NRXN2: variants seen among roughly 807,000 people sequenced by gnomAD.
NRXN2 encodes the protein neurexin 2.
NRXN2 carries 29 observed loss-of-function variants against 128.8 expected under a neutral mutation model. The ratio of observed to expected loss-of-function variants is 0.23; its 90% CI spans 0.17 to 0.31. The LOEUF (loss-of-function observed/expected upper bound fraction) is 0.31, where lower values mean the gene tolerates loss of function less well. NRXN2 is among the 10% of genes least tolerant of loss of function. The pLI, the probability that NRXN2 is intolerant of heterozygous loss-of-function variation, is 1.00. For synonymous variants in NRXN2, 1,098 were observed against 1,075.2 expected (o/e 1.02, Z -0.41); for missense variants, 1,881 against 2,452.6 (o/e 0.77, Z 4.92).
chr11:64,702,824 A>T (rs2055680257), intron 2 of NRXN2, among the ~76,000 whole-genome samples: 1 of 151,312 alleles, frequency 6.6e-6, no homozygotes, highest in African/African-American at 2.4e-5. Context: ...AAAAAAAAAA[A>T]AAGAAAAATA....
chr11:64,642,526 C>T (rs1384489668), intron 17 of NRXN2: 1 of 1,605,986 alleles, frequency 6.2e-7, no homozygotes, highest in Non-Finnish European at 8.5e-7. Context: ...CCGGCATCTA[C>T]AGTGCCACTT....
In NRXN2 at chr11:64,685,954, G is replaced by A. The variant is rs376852689; in HGVS notation, c.851-7C>T. On this transcript the variant is annotated splice_region_variant and splice_polypyrimidine_tract_variant and intron_variant, in intron 5 of 22. Coordinates refer to ENST00000265459, the MANE Select transcript of NRXN2 (RefSeq NM_015080.4). ...GCCACAAACTCCTCCTTGCCTGGAT[G>A]CCGTGGTGTGGGGAAACGGGAGAAG... 106 of 1,614,052 alleles carry A rather than the reference G, an allele frequency of 6.6e-5. No individual in the cohort carries two copies. Among genetic ancestry groups the A allele is most frequent in the Non-Finnish European group, 8.7e-5 (103 of 1,180,028 alleles).
At chr11:64,666,239 T>A (rs1385487159) in intron 9 of NRXN2, among the ~76,000 whole-genome samples, 1 of 151,060 alleles carries the variant, frequency 6.6e-6, no homozygotes, top group African/African-American at 2.4e-5. Flanking sequence ...TCTTCCTCTG[T>A]CGCCCAGGCT....
chr11:64,625,538 A>G (rs1277939232), intron 20 of NRXN2, among the ~76,000 whole-genome samples: 1 of 152,140 alleles, frequency 6.6e-6, no homozygotes, highest in Admixed American at 6.5e-5. Flanking sequence ...TGGGGGTTTT[A>G]GTTGGGGAAG....
intron 17 of NRXN2, among the ~76,000 whole-genome samples, chr11:64,636,972 C>CATCT (rs1182291779): frequency 6.6e-6 from 1 of 152,076 alleles, no homozygotes; most frequent in Non-Finnish European, 1.5e-5. Context: ...GGGGAGCCAC[C>CATCT]ATCTGCAGGC....
Position 64,607,049 on chromosome 11 carries a change from CTT to C in NRXN2, c.*145_*146del. 1.1e-6 allele frequency: 1 copy of C among 876,230 alleles called. No homozygotes were observed. The highest frequency in any genetic ancestry group is 1.7e-6 in the Non-Finnish European group (1 of 587,952). The allele number at this position is 876,230 out of a possible 1,614,324, so 54.3% of individuals were successfully genotyped here. A position where few individuals can be genotyped will look rare whatever the true frequency, so the allele number is the denominator to read the frequency against. On this transcript the variant is annotated 3_prime_UTR_variant, in exon 23 of 23. Transcript: ENST00000265459. ...GAAGGGGGCGAGCACGGGGTTTTTCCTTTTCTTTTTTTGCGTTTCCTCTTCGT... is the reference window on the plus strand; with the variant it reads ...GAAGGGGGCGAGCACGGGGTTTTTCCTTCTTTTTTTGCGTTTCCTCTTCGT...
Position 64,667,793 on chromosome 11 carries a change from T to G in NRXN2, c.1360-105A>C. ...CAGGGGACCCAGCCACCCACCCCTG[T>G]AGCCCCTGCTCAGTTCCACCAGACC... On this transcript the variant is annotated intron_variant, in intron 8 of 22. Transcript: ENST00000265459. This position sits in a 1 kb window ranked among gnomAD's most constrained non-coding sequence, Gnocchi z 5.6. 1 of 1,036,576 alleles carries G rather than the reference T, an allele frequency of 9.6e-7. No homozygotes were observed. Among genetic ancestry groups the G allele is most frequent in the Non-Finnish European group, 1.5e-6 (1 of 681,944 alleles). 64.2% of individuals were successfully genotyped at this position (1,036,576 alleles called of 1,614,324 possible). A position where few individuals can be genotyped will look rare whatever the true frequency, so the allele number is the denominator to read the frequency against.
chr11:64,700,997 A>G (rs2055267153), intron 2 of NRXN2, among the ~76,000 whole-genome samples: 1 of 152,100 alleles, frequency 6.6e-6, no homozygotes, highest in Non-Finnish European at 1.5e-5. Flanking sequence ...AACCCTAAAA[A>G]CAAAACTAAA....
intron 22 of NRXN2, among the ~76,000 whole-genome samples, chr11:64,609,679 G>A (rs148999347): frequency 6.6e-6 from 1 of 152,228 alleles, no homozygotes; most frequent in African/African-American, 2.4e-5. Context: ...CTGGTTTGGG[G>A]TAGAAGGGAG....
At chr11:64,700,956 A>G (rs978233902) in intron 2 of NRXN2, among the ~76,000 whole-genome samples, 1 of 152,178 alleles carries the variant, frequency 6.6e-6, no homozygotes, top group Non-Finnish European at 1.5e-5. Context: ...TGTCAGGCCA[A>G]TCACCGGGTC....
intron 4 of NRXN2, among the ~76,000 whole-genome samples, chr11:64,691,041 T>C (rs888190904): frequency 1.3e-5 from 2 of 152,326 alleles, no homozygotes; most frequent in South Asian, 2.1e-4. Flanking sequence ...AGGCTCTCAC[T>C]ACACCTTGAG....
chr11:64,717,705 G>A (rs2057337691), intron 1 of NRXN2, among the ~76,000 whole-genome samples: 1 of 152,230 alleles, frequency 6.6e-6, no homozygotes, highest in African/African-American at 2.4e-5. Context: ...TCAGACACCA[G>A]GCTGGACCCC....
In NRXN2 at chr11:64,607,384, G is replaced by A. The variant is rs780954468; in HGVS notation, c.4951C>T (p.Leu1651Phe). 6.2e-7 allele frequency: 1 copy of A among 1,613,318 alleles called. No homozygotes were observed. The highest frequency in any genetic ancestry group is 2.2e-5 in the East Asian group (1 of 44,862). Residue 1651 changes from leucine (L) to phenylalanine (F), a missense_variant, in exon 23 of 23, where the codon CTC becomes TTC. By Grantham distance (22) the Leu-to-Phe change is conservative. This residue lies in a region of NRXN2 where 11 missense variants were observed against 31.3 expected (regional missense o/e 0.35). Transcript: ENST00000265459. ...GIVAAAALCI[L>F]ILLYAMYKYR... ...TTATACATGGCGTAGAGGAGGATGA[G>A]GATGCAGAGCGCCGCCGCCGCCACA... is the stretch of plus-strand genomic sequence containing the variant.
intron 22 of NRXN2, 95 bp downstream of exon 22, chr11:64,620,199 G>T (rs1225743415): frequency 1.1e-5 from 10 of 946,458 alleles, no homozygotes; most frequent in Non-Finnish European, 1.7e-5. Flanking sequence ...CTGGCAGCAG[G>T]CCCTGGGGCT....
In NRXN2 at chr11:64,714,119, G is replaced by A. The variant is rs190895976; in HGVS notation, c.-244-176C>T. On this transcript the variant is annotated intron_variant, in intron 1 of 22. Coordinates refer to ENST00000265459, the MANE Select transcript of NRXN2 (RefSeq NM_015080.4). The surrounding 1 kb of genome is among the most constrained non-coding windows in gnomAD (Gnocchi z 4.5). ...CGAGGCAAGAGACGCGGATTCCGGG[G>A]GCCAGCACTTAGGAGAGATGGCACG... is the stretch of plus-strand genomic sequence containing the variant. Among the ~76,000 whole-genome samples the A allele has an allele frequency of 2.6e-5, 4 of 152,310 alleles. No individual in the cohort carries two copies. The East Asian group carries it at 7.7e-4, about 29-fold the overall frequency.
intron 9 of NRXN2, chr11:64,661,362 C>T (rs978516896): frequency 2.8e-6 from 4 of 1,439,746 alleles, no homozygotes; most frequent in Non-Finnish European, 3.6e-6. Context: ...GACGCAGCCC[C>T]AGCCCAGCTG....
chr11:64,620,980 T>A lies in NRXN2; in HGVS notation c.4174-608A>T, dbSNP rs570181227. Among the ~76,000 whole-genome samples, 9 of 151,028 alleles carry A rather than the reference T, an allele frequency of 6.0e-5. No individual in the cohort carries two copies. The South Asian group carries it at 1.9e-3, about 32-fold the overall frequency. On this transcript the variant is annotated intron_variant, in intron 21 of 22. Coordinates refer to ENST00000265459, the MANE Select transcript of NRXN2 (RefSeq NM_015080.4). Reference sequence around the variant, plus strand: ...AGAGAATCCCCAAGATGAGTGAGTGTAAGGAGGAGGGGGGCGCTCAGGGGC... The same window carrying A: ...AGAGAATCCCCAAGATGAGTGAGTGAAAGGAGGAGGGGGGCGCTCAGGGGC...
chr11:64,715,481 C>G (rs1226154165), intron 1 of NRXN2, among the ~76,000 whole-genome samples: 2 of 152,230 alleles, frequency 1.3e-5, no homozygotes, highest in East Asian at 3.9e-4. Context: ...CAGTGAGGAG[C>G]TGAAGAGCTA....
At chr11:64,616,823 GAC>G (rs1420013523) in intron 22 of NRXN2, among the ~76,000 whole-genome samples, 2 of 151,124 alleles carry the variant, frequency 1.3e-5, no homozygotes, top group Non-Finnish European at 3.0e-5. Context: ...CTTGGTGTGA[GAC>G]ACACAATATG....
Sources: gnomAD v4.1 joint callset for allele counts (sites outside exome capture counted in the v4.1 genomes callset) on GRCh38, gnomAD v4.1.1 for gene constraint, gnomAD v4.1.1 regional missense constraint, Gnocchi (gnomAD v3.1) non-coding constraint, MANE v1.5 for transcripts, NCBI Gene and HGNC (gene_info 2026-07-23, HGNC 2026-07-21) for gene names.